Variants in PRR12 observed in about 807,000 individuals in gnomAD.
PRR12 encodes the protein proline-rich protein 12.
Under a neutral mutation model 138.0 loss-of-function variants are expected in PRR12, and 12 were observed. That is an observed-to-expected ratio of 0.09 (90% CI 0.06 to 0.14). PRR12 has a LOEUF of 0.14. PRR12 is among the 10% of genes least tolerant of loss of function. PRR12 has a pLI of 1.00. For missense variants in PRR12, 2,692 were observed against 2,861.3 expected, an observed-to-expected ratio of 0.94 and a Z score of 1.35; for synonymous variants, 1,567 against 1,291.7, an observed-to-expected ratio of 1.21 and a Z score of -4.57.
At chr19:49,603,421 C>T (rs370398115) in intron 6 of PRR12, among the ~76,000 whole-genome samples, 5 of 152,170 alleles carry the variant, frequency 3.3e-5, no homozygotes, top group South Asian at 2.1e-4. Context: ...CGGGGCATGG[C>T]GGTTCACGCC....
At chr19:49,602,829 G>A (rs776048496) in intron 6 of PRR12, among the ~76,000 whole-genome samples, 35 of 152,348 alleles carry the variant, frequency 2.3e-4, no homozygotes, top group Middle Eastern at 3.4e-3. Context: ...TGGGATTACA[G>A]GTGTGAGCCA....
intron 6 of PRR12, among the ~76,000 whole-genome samples, chr19:49,605,512 TCAGCCTCCCAAA>T (rs2080833925): frequency 1.3e-5 from 2 of 152,222 alleles, no homozygotes. Flanking sequence ...TCTGCCTGCC[TCAGCCTCCCAAA>T]GTGCTGGGAT....
At chr19:49,602,035 C>T in intron 6 of PRR12, 117 bp downstream of exon 6, 1 of 1,328,524 alleles carries the variant, frequency 7.5e-7, no homozygotes, top group Non-Finnish European at 1.0e-6. Context: ...GGCCGGGCCG[C>T]CCTGGAATTT....
At position 49,599,417 on chromosome 19, in the gene PRR12, C is replaced by A; in HGVS notation, c.3824C>A (p.Pro1275Gln). 1 of 1,610,692 alleles carries A rather than the reference C, an allele frequency of 6.2e-7. No homozygotes were observed. The highest frequency in any genetic ancestry group is 8.5e-7 in the Non-Finnish European group (1 of 1,178,726). The part of the protein sequence containing the change: ...AKIKEVEEKQ[P>Q]EMKSGFMASF... ...ATTAAGGAGGTGGAGGAGAAGCAGC[C>A]GGAGATGAAGTCGGGTTTCATGGCC... The change falls in exon 5 of 14, where the codon CCG becomes CAG. Residue 1275 changes from proline (P) to glutamine (Q), a missense_variant. Pro to Gln is a moderately conservative substitution (Grantham distance 76). Around this residue, in one of 11 missense-constraint regions of PRR12, gnomAD observed 326 missense variants for 344.2 expected, o/e 0.95. Transcript: ENST00000418929. The surrounding 1 kb of genome is among the most constrained non-coding windows in gnomAD (Gnocchi z 5.0).
At position 49,594,550 on chromosome 19, in the gene PRR12, G is replaced by A. The variant is rs758179387; in HGVS notation, c.296G>A (p.Gly99Asp). The A allele has an allele frequency of 4.3e-6, 7 of 1,612,742 alleles. No homozygotes were observed. The highest frequency in any genetic ancestry group is 5.9e-6 in the Non-Finnish European group (7 of 1,179,416). Residue 99 changes from glycine (G) to aspartate (D), a missense_variant, in exon 3 of 14, where the codon GGC (glycine) becomes GAC (aspartate). This residue lies in a region of PRR12 where 211 missense variants were observed against 266.3 expected (regional missense o/e 0.79). Transcript: ENST00000418929. The surrounding 1 kb of genome is among the most constrained non-coding windows in gnomAD (Gnocchi z 5.6). The stretch of plus-strand genomic sequence containing the variant: ...CTTATCTCGGCCCTGGAATCCCGGG[G>A]CCCCCAGCCTGGCCCCTCCGCCTCC... ...MNLISALESRGPQPGPSASSL... is the reference protein window; with the variant it reads ...MNLISALESRDPQPGPSASSL...
intron 6 of PRR12, among the ~76,000 whole-genome samples, chr19:49,612,343 C>T (rs542428695): frequency 8.8e-4 from 133 of 151,536 alleles, no homozygotes; most frequent in Non-Finnish European, 1.4e-3. Flanking sequence ...TTCTAGTAAT[C>T]GGCAGTTGGC....
rs577010454 is a variant in PRR12, at chr19:49,594,100, T to C, written c.200-354T>C. Reference sequence around the variant, plus strand: ...TGTCCCATCCTTTCCTCTTCCTTGCTGGAAATATCCAAATTTGGTCTCCCT... The same window carrying C: ...TGTCCCATCCTTTCCTCTTCCTTGCCGGAAATATCCAAATTTGGTCTCCCT... On this transcript the variant is annotated intron_variant, in intron 2 of 13. Coordinates refer to ENST00000418929, the MANE Select transcript of PRR12 (RefSeq NM_020719.3). The surrounding 1 kb of genome is among the most constrained non-coding windows in gnomAD (Gnocchi z 5.6). 2.6e-5 allele frequency among the ~76,000 whole-genome samples: 4 copies of C among 152,232 alleles called. No homozygotes were observed. The highest frequency in any genetic ancestry group is 5.9e-5 in the Non-Finnish European group (4 of 68,044).
At chr19:49,592,835 C>T (rs761369266) in intron 1 of PRR12, among the ~76,000 whole-genome samples, 1 of 152,156 alleles carries the variant, frequency 6.6e-6, no homozygotes, top group South Asian at 2.1e-4. Flanking sequence ...GGGAACCGAT[C>T]TTCCTCCTGC....
Position 49,614,498 on chromosome 19 carries a change from G to T in PRR12, c.4774-35G>T. The T allele has an allele frequency of 2.0e-6, 3 of 1,466,028 alleles. No individual in the cohort carries two copies. The South Asian group carries it at 3.9e-5, about 19-fold the overall frequency. The allele number at this position is 1,466,028 out of a possible 1,614,324, so 90.8% of individuals were successfully genotyped here. A position where few individuals can be genotyped will look rare whatever the true frequency, so the allele number is the denominator to read the frequency against. ...GGCAGTAGGTCTAGGAATGAGGGCT[G>T]ACCCTGCTGGCCTCACCACACCCCT... On this transcript the variant is annotated intron_variant, in intron 6 of 13. Transcript: ENST00000418929. This position sits in a 1 kb window ranked among gnomAD's most constrained non-coding sequence, Gnocchi z 5.0.
intron 10 of PRR12, among the ~76,000 whole-genome samples, 199 bp from the exon 11 acceptor site, chr19:49,621,326 C>T (rs1214215280): frequency 2.9e-5 from 3 of 105,150 alleles, no homozygotes; most frequent in African/African-American, 1.1e-4. Context: ...GGAGGAGCGG[C>T]TGGGGGTCTG....
At chr19:49,622,644 C>T (rs1385710857) in intron 11 of PRR12, among the ~76,000 whole-genome samples, 2 of 148,294 alleles carry the variant, frequency 1.3e-5, no homozygotes, top group African/African-American at 5.0e-5. Context: ...GTAATCCCAG[C>T]AGTTTGGGAG....
intron 6 of PRR12, among the ~76,000 whole-genome samples, chr19:49,604,471 A>G (rs1398469238): frequency 6.6e-6 from 1 of 152,080 alleles, no homozygotes; most frequent in African/African-American, 2.4e-5. Context: ...TGAGGTCAAG[A>G]GTTCAAGACC....
chr19:49,621,747 G>A, intron 11 of PRR12, 125 bp downstream of exon 11: 1 of 740,308 alleles, frequency 1.4e-6, no homozygotes, highest in Non-Finnish European at 2.3e-6. Context: ...GCTCAGATGG[G>A]AGAAAAGTTG....
chr19:49,621,515 C>G lies in PRR12; in HGVS notation c.5624-10C>G. On this transcript the variant is annotated splice_polypyrimidine_tract_variant and intron_variant, in intron 10 of 13. Coordinates refer to ENST00000418929, the MANE Select transcript of PRR12 (RefSeq NM_020719.3). ...TGTGGCCTTCCTGATACCATGTCCT[C>G]GTCCATCAGACGAGCTGTACCTGCC... 6.3e-7 allele frequency: 1 copy of G among 1,591,940 alleles called. No individual in the cohort carries two copies. The highest frequency in any genetic ancestry group is 8.6e-7 in the Non-Finnish European group (1 of 1,168,822).
chr19:49,618,752 C>A (rs1444596270), intron 9 of PRR12, among the ~76,000 whole-genome samples: 1 of 152,058 alleles, frequency 6.6e-6, no homozygotes, highest in Non-Finnish European at 1.5e-5. Context: ...TGTCCGCCCC[C>A]ATCCCCTCCA....
chr19:49,606,893 C>G (rs1057221851), intron 6 of PRR12, among the ~76,000 whole-genome samples: 1 of 152,084 alleles, frequency 6.6e-6, no homozygotes, highest in Admixed American at 6.6e-5. Flanking sequence ...CCTACAAAAA[C>G]AAGCCATAGA....
rs1250549730 is a variant in PRR12, at chr19:49,622,891, C to CAA, written c.5721+1278_5721+1279dup. Among the ~76,000 whole-genome samples, 58 of 72,478 alleles carry CAA rather than the reference C, an allele frequency of 8.0e-4. 2 individuals carry two copies. The highest frequency in any genetic ancestry group is 9.3e-3 in the Middle Eastern group (1 of 108). The allele number at this position is 72,478 out of a possible 152,430, so 47.5% of individuals were successfully genotyped here. A position where few individuals can be genotyped will look rare whatever the true frequency, so the allele number is the denominator to read the frequency against. On this transcript the variant is annotated intron_variant, in intron 11 of 13. Coordinates refer to ENST00000418929, the MANE Select transcript of PRR12 (RefSeq NM_020719.3). ...TGGGCGACAGAGCGAGACTCTGTCT[C>CAA]AAAAAAAAAACAAAAACATATATAT...
chr19:49,600,480 CA>C (rs34430567), intron 5 of PRR12, among the ~76,000 whole-genome samples: 1,340 of 100,654 alleles, frequency 0.013, 5 homozygotes, highest in African/African-American at 0.019. Context: ...GGGGAGTGTT[CA>C]AAAAAAAAAA....
chr19:49,623,008 G>A (rs576774600), intron 11 of PRR12, among the ~76,000 whole-genome samples: 83 of 150,382 alleles, frequency 5.5e-4, no homozygotes, highest in African/African-American at 1.9e-3. Context: ...GAGTGAGATA[G>A]TAGTTTTCTC....
Sources: gnomAD v4.1 joint callset for allele counts (sites outside exome capture counted in the v4.1 genomes callset) on GRCh38, gnomAD v4.1.1 for gene constraint, gnomAD v4.1.1 regional missense constraint, Gnocchi (gnomAD v3.1) non-coding constraint, MANE v1.5 for transcripts, NCBI Gene and HGNC (gene_info 2026-07-23, HGNC 2026-07-21) for gene names.